PLCL1: variants seen among roughly 807,000 people sequenced by gnomAD.
PLCL1 encodes the protein phospholipase C like 1 (inactive).
A neutral mutation model predicts 84.4 loss-of-function variants in PLCL1; 41 were observed. The ratio of observed to expected loss-of-function variants is 0.49; its 90% CI spans 0.38 to 0.63. The LOEUF is 0.63. Among genes scored for constraint, PLCL1 ranks in the 30% least tolerant of loss-of-function variants. The pLI, the probability that PLCL1 is intolerant of heterozygous loss-of-function variation, is 0.00. For synonymous variants in PLCL1, 490 were observed against 488.3 expected (o/e 1.00, Z -0.05); for missense variants, 1,206 against 1,367.8 (o/e 0.88, Z 1.87).
chr2:197,996,825 A>G (rs1405454262), intron 1 of PLCL1, among the ~76,000 whole-genome samples: 4 of 152,146 alleles, frequency 2.6e-5, no homozygotes, highest in Admixed American at 6.5e-5. Context: ...CTCTAAATTT[A>G]CTAGTAAAGC....
intron 1 of PLCL1, among the ~76,000 whole-genome samples, chr2:197,892,298 A>G (rs1452411255): frequency 6.6e-6 from 1 of 152,194 alleles, no homozygotes; most frequent in Non-Finnish European, 1.5e-5. Flanking sequence ...ACTCCAAAGG[A>G]AACAGTAATG....
Position 198,086,073 on chromosome 2 carries a change from A to G in PLCL1, c.2556A>G (p.Gly852=), listed in dbSNP as rs141476540. 1.0e-4 allele frequency: 163 copies of G among 1,614,112 alleles called. No individual in the cohort carries two copies. In the African/African-American group the frequency reaches 1.8e-3, roughly 18 times the overall value. Residue 852 remains glycine (G), a synonymous_variant, in exon 2 of 6, where the codon GGA becomes GGG. Transcript: ENST00000428675. ...FVHIAITNRS[G]GGKAQKRSLS... is the part of the protein sequence containing the mutation. ...ACATAGCAATAACTAATCGAAGTGG[A>G]GGAGGAAAGGCACAGAAGCGCAGTC...
At chr2:197,897,179 T>C (rs3916725) in intron 1 of PLCL1, among the ~76,000 whole-genome samples, 9,902 of 37,616 alleles carry the variant, frequency 0.26, 1,200 homozygotes, top group Middle Eastern at 0.33. Flanking sequence ...TTCTTCTTCT[T>C]CTTCTTCTTC....
At chr2:197,960,552 C>T (rs1291465663) in intron 1 of PLCL1, among the ~76,000 whole-genome samples, 1 of 152,034 alleles carries the variant, frequency 6.6e-6, no homozygotes, top group African/African-American at 2.4e-5. Context: ...AGCCATACTG[C>T]AAATACATTT....
chr2:197,910,682 A>G (rs1450888255), intron 1 of PLCL1, among the ~76,000 whole-genome samples: 1 of 152,192 alleles, frequency 6.6e-6, no homozygotes, highest in East Asian at 1.9e-4. Context: ...GCAACCCGAA[A>G]ATATCCCCTT....
At chr2:197,958,896 G>T (rs954754909) in intron 1 of PLCL1, among the ~76,000 whole-genome samples, 20 of 128,342 alleles carry the variant, frequency 1.6e-4, no homozygotes, top group African/African-American at 6.2e-4. Flanking sequence ...TTCGGAATCT[G>T]TGCTCTTGTG....
intron 5 of PLCL1, among the ~76,000 whole-genome samples, chr2:198,138,306 G>A (rs1201882806): frequency 1.3e-5 from 2 of 152,146 alleles, no homozygotes; most frequent in Non-Finnish European, 2.9e-5. Context: ...TGGCAGGAAA[G>A]AGAAACAGCT....
At chr2:197,867,746 A>C (rs965778790) in intron 1 of PLCL1, among the ~76,000 whole-genome samples, 3 of 152,096 alleles carry the variant, frequency 2.0e-5, no homozygotes, top group Non-Finnish European at 4.4e-5. Flanking sequence ...CACTGCCATC[A>C]TCTTGCCTAC....
chr2:197,868,554 G>T (rs2105702258), intron 1 of PLCL1, among the ~76,000 whole-genome samples: 1 of 152,168 alleles, frequency 6.6e-6, no homozygotes, highest in South Asian at 2.1e-4. Flanking sequence ...AGGCTGGAGT[G>T]CAGTGGCACG....
intron 1 of PLCL1, among the ~76,000 whole-genome samples, chr2:198,069,807 T>A (rs552043307): frequency 6.6e-6 from 1 of 152,334 alleles, no homozygotes; most frequent in South Asian, 2.1e-4. Context: ...ACATGTTAAA[T>A]GTAGAGTTAA....
At chr2:197,942,172 T>C (rs1574960702) in intron 1 of PLCL1, among the ~76,000 whole-genome samples, 1 of 152,230 alleles carries the variant, frequency 6.6e-6, no homozygotes, top group Non-Finnish European at 1.5e-5. Context: ...ATAGTCATTG[T>C]CTTTCTTTGA....
rs75096409 is a variant in PLCL1, at chr2:197,823,362, A to C, written c.240+18023A>C. Among the ~76,000 whole-genome samples the C allele has an allele frequency of 6.3e-3, 950 of 151,604 alleles. 4 individuals carry two copies. Among genetic ancestry groups the C allele is most frequent in the Non-Finnish European group, 8.3e-3 (562 of 67,962 alleles). Reference sequence around the variant, plus strand: ...TGGAATACTGATTGTCTCTCTCTATATATATATATGTGGTTGGTGGTTTTT... The same window carrying C: ...TGGAATACTGATTGTCTCTCTCTATCTATATATATGTGGTTGGTGGTTTTT... On this transcript the variant is annotated intron_variant, in intron 1 of 5. Coordinates refer to ENST00000428675, the MANE Select transcript of PLCL1 (RefSeq NM_006226.4).
rs188759560 is a variant in PLCL1 at position 197,999,590 on chromosome 2, T to C, written c.241-84168T>C. On this transcript the variant is annotated intron_variant, in intron 1 of 5. Coordinates refer to ENST00000428675, the MANE Select transcript of PLCL1 (RefSeq NM_006226.4). The stretch of plus-strand genomic sequence containing the variant: ...GGACAGAGAGAAATGTAGAGAGTTG[T>C]GATTTCATGATTTCAATTCTACAGA... Among the ~76,000 whole-genome samples the C allele has an allele frequency of 4.3e-3, 659 of 152,312 alleles. 7 individuals are homozygous for C. The highest frequency in any genetic ancestry group is 0.015 in the African/African-American group (625 of 41,570).
rs954935721 is a variant in PLCL1 at position 197,804,976 on chromosome 2, G to A, written c.-124G>A. The A allele has an allele frequency of 2.0e-5, 24 of 1,210,890 alleles. No homozygotes were observed. In the South Asian group the frequency reaches 3.4e-4, roughly 17 times the overall value. 75.0% of individuals were successfully genotyped at this position (1,210,890 alleles called of 1,614,324 possible). ...CGCCGCCGCCGCCGCCACTGCCGCC[G>A]CTGGGCGGTGAAACAAAGTCTGGCG... On this transcript the variant is annotated 5_prime_UTR_variant, in exon 1 of 6. Transcript: ENST00000428675.
chr2:198,106,309 A>G (rs1379584353), intron 5 of PLCL1, among the ~76,000 whole-genome samples: 2 of 151,990 alleles, frequency 1.3e-5, no homozygotes, highest in Admixed American at 6.6e-5. Context: ...ACAAATGTCT[A>G]TTAAAAATTC....
chr2:197,940,570 C>T (rs948056822), intron 1 of PLCL1, among the ~76,000 whole-genome samples: 8 of 152,168 alleles, frequency 5.3e-5, no homozygotes, highest in Non-Finnish European at 1.2e-4. Flanking sequence ...GGCTGCTTCC[C>T]AGAATGCAGT....
At chr2:197,880,296 T>C (rs1687806526) in intron 1 of PLCL1, among the ~76,000 whole-genome samples, 1 of 152,170 alleles carries the variant, frequency 6.6e-6, no homozygotes, top group Admixed American at 6.6e-5. Flanking sequence ...GCCGAAGGAC[T>C]TTGGGTAAAC....
intron 1 of PLCL1, among the ~76,000 whole-genome samples, chr2:197,999,846 A>ATG (rs1054453470): frequency 6.6e-5 from 10 of 151,966 alleles, no homozygotes; most frequent in East Asian, 1.9e-4. Flanking sequence ...TGTAATACGT[A>ATG]TGTGTGTGTG....
At chr2:197,952,239 A>G (rs1180101158) in intron 1 of PLCL1, among the ~76,000 whole-genome samples, 2 of 152,158 alleles carry the variant, frequency 1.3e-5, no homozygotes, top group African/African-American at 2.4e-5. Flanking sequence ...TCAGGAAGTC[A>G]AGGGACATTC....
Sources: gnomAD v4.1 joint callset for allele counts (sites outside exome capture counted in the v4.1 genomes callset) on GRCh38, gnomAD v4.1.1 for gene constraint, MANE v1.5 for transcripts, NCBI Gene and HGNC (gene_info 2026-07-23, HGNC 2026-07-21) for gene names.